Variants in BTG4 observed in about 807,000 individuals in gnomAD.
The protein encoded by BTG4 is BTG anti-proliferation factor 4, also known as protein BTG4.
Under a neutral mutation model 19.3 loss-of-function variants are expected in BTG4, and 10 were observed. The observed-to-expected ratio is 0.52, with a 90% CI of 0.32 to 0.88. The LOEUF (loss-of-function observed/expected upper bound fraction) is 0.88. Among genes scored for constraint, BTG4 ranks in the 40% least tolerant of loss-of-function variants. The pLI is 0.04. For synonymous variants in BTG4, 91 were observed against 95.7 expected, an observed-to-expected ratio of 0.95 and a Z score of 0.29; for missense variants, 238 against 281.9, an observed-to-expected ratio of 0.84 and a Z score of 1.11.
At chr11:111,454,291 C>T in the BTG4 span, 1 of 456,234 alleles carries the variant, frequency 2.2e-6, no homozygotes, top group Non-Finnish European at 4.4e-6. Context: ...ACACAGAGGC[C>T]TTCTTTGGAG....
the BTG4 span, among the ~76,000 whole-genome samples, chr11:111,418,772 C>T: frequency 2.0e-5 from 3 of 152,172 alleles, no homozygotes; most frequent in Non-Finnish European, 2.9e-5. Flanking sequence ...CTGGGAAAAC[C>T]GGAAGCATCT....
chr11:111,384,150 A>G, the BTG4 span, among the ~76,000 whole-genome samples: 5 of 152,196 alleles, frequency 3.3e-5, no homozygotes, highest in African/African-American at 1.2e-4. Flanking sequence ...GGTAGAAGAC[A>G]ATCTCTTCTG....
intron 4 of BTG4, among the ~76,000 whole-genome samples, chr11:111,495,551 A>G (rs1019452177): frequency 3.3e-5 from 5 of 152,208 alleles, no homozygotes; most frequent in African/African-American, 1.2e-4. Context: ...TGCTTATTCA[A>G]GTTTATGTTT....
At chr11:111,394,626 C>T in the BTG4 span, among the ~76,000 whole-genome samples, 1 of 152,206 alleles carries the variant, frequency 6.6e-6, no homozygotes, top group Non-Finnish European at 1.5e-5. Context: ...CAGACTAATA[C>T]ACATACCCAG....
chr11:111,406,325 C>T, the BTG4 span, among the ~76,000 whole-genome samples: 1 of 152,204 alleles, frequency 6.6e-6, no homozygotes, highest in African/African-American at 2.4e-5. Context: ...TGACTGTCAG[C>T]TTCTGCATGC....
chr11:111,455,029 C>T, the BTG4 span: 550 of 456,256 alleles, frequency 1.2e-3, 10 homozygotes, highest in South Asian at 8.1e-3. Flanking sequence ...GGGAACAAGG[C>T]GCTGCCTCCC....
the BTG4 span, among the ~76,000 whole-genome samples, chr11:111,438,474 G>C: frequency 6.6e-6 from 1 of 152,130 alleles, no homozygotes; most frequent in Non-Finnish European, 1.5e-5. Context: ...GTTAGCCTCT[G>C]TCCAAAGCCA....
intron 4 of BTG4, among the ~76,000 whole-genome samples, chr11:111,496,266 C>A (rs1006245489): frequency 1.3e-5 from 2 of 152,136 alleles, no homozygotes; most frequent in African/African-American, 4.8e-5. Context: ...AAAGTTGGCA[C>A]TTTTACATAC....
chr11:111,400,705 G>A, the BTG4 span, among the ~76,000 whole-genome samples: 1 of 152,176 alleles, frequency 6.6e-6, no homozygotes, highest in African/African-American at 2.4e-5. Context: ...ATGTGAAGGG[G>A]AAGAAATAAC....
At chr11:111,417,662 A>G in the BTG4 span, 2 of 152,192 alleles carry the variant, frequency 1.3e-5, no homozygotes, top group Non-Finnish European at 2.9e-5. Flanking sequence ...AAAGATATCT[A>G]GGCACAATTT....
intron 1 of BTG4, among the ~76,000 whole-genome samples, chr11:111,501,364 C>T (rs1180875579): frequency 6.6e-6 from 1 of 151,904 alleles, no homozygotes; most frequent in Admixed American, 6.6e-5. Flanking sequence ...GAGCAAAGAC[C>T]CTCTCTCAAA....
intron 5 of BTG4, among the ~76,000 whole-genome samples, chr11:111,479,994 T>C (rs534184648): frequency 1.5e-4 from 23 of 152,190 alleles, no homozygotes; most frequent in African/African-American, 5.5e-4. Context: ...AGGCCTAACA[T>C]ATTTATAATT....
chr11:111,468,688 G>C (rs756377691), intron 5 of BTG4, among the ~76,000 whole-genome samples: 1 of 152,168 alleles, frequency 6.6e-6, no homozygotes, highest in Non-Finnish European at 1.5e-5. Flanking sequence ...TACAATAAAG[G>C]CATGGAAGAT....
At chr11:111,390,666 C>G in the BTG4 span, among the ~76,000 whole-genome samples, 1 of 152,200 alleles carries the variant, frequency 6.6e-6, no homozygotes, top group Admixed American at 6.5e-5. Context: ...GAAGTGGGCA[C>G]TAAGGCTCTG....
the BTG4 span, among the ~76,000 whole-genome samples, chr11:111,398,943 G>T: frequency 2.0e-5 from 3 of 152,192 alleles, no homozygotes; most frequent in African/African-American, 7.2e-5. Flanking sequence ...TTTTGACGTG[G>T]AGCTGGTGAT....
the BTG4 span, among the ~76,000 whole-genome samples, chr11:111,405,841 T>C: frequency 6.6e-6 from 1 of 152,186 alleles, no homozygotes; most frequent in East Asian, 1.9e-4. Flanking sequence ...GTAAAATAAA[T>C]GATAGTACTT....
the BTG4 span, among the ~76,000 whole-genome samples, chr11:111,442,660 C>A: frequency 1 from 151,832 of 151,832 alleles, 75,916 homozygotes; most frequent in Non-Finnish European, 1. Flanking sequence ...CCCCGTAGCC[C>A]ACTGGCAGAG....
intron 5 of BTG4, among the ~76,000 whole-genome samples, chr11:111,486,433 C>T (rs516050): frequency 0.97 from 146,960 of 152,260 alleles, 71,133 homozygotes; most frequent in Middle Eastern, 1. Context: ...TAAGACCCTG[C>T]CTCCAAATAA....
At chr11:111,416,126 C>G in the BTG4 span, 3 of 152,102 alleles carry the variant, frequency 2.0e-5, no homozygotes, top group Admixed American at 1.3e-4. Context: ...TCTGGGCAGC[C>G]TAAGGTGTCT....
Sources: gnomAD v4.1 joint callset for allele counts (sites outside exome capture counted in the v4.1 genomes callset) on GRCh38, gnomAD v4.1.1 for gene constraint, MANE v1.5 for transcripts, NCBI Gene and HGNC (gene_info 2026-07-23, HGNC 2026-07-21) for gene names.